The following LAMA5 variants were observed in gnomAD, a reference collection of about 807,000 sequenced individuals.
LAMA5 encodes the protein laminin subunit alpha-5.
LAMA5 carries 260 observed loss-of-function variants against 433.4 expected under a neutral mutation model. The ratio of observed to expected loss-of-function variants is 0.60; its 90% CI spans 0.54 to 0.66. LAMA5 has a LOEUF of 0.66. Among genes scored for constraint, LAMA5 ranks in the 30% least tolerant of loss-of-function variants. LAMA5 has a pLI of 0.00. For missense variants in LAMA5, 5,378 were observed against 5,258.5 expected (o/e 1.02, Z -0.70); for synonymous variants, 2,620 against 2,226.6 (o/e 1.18, Z -4.97).
intron 63 of LAMA5, 37 bp from the exon 64 acceptor site, chr20:62,313,497 A>G (rs538877927): frequency 1.3e-6 from 2 of 1,569,624 alleles, no homozygotes; most frequent in South Asian, 2.4e-5. Context: ...ACCTGGCCTG[A>G]GGCGCCTCCC....
chr20:62,332,210 C>T (rs545347748), intron 28 of LAMA5, among the ~76,000 whole-genome samples, 162 bp downstream of exon 28: 4 of 152,298 alleles, frequency 2.6e-5, no homozygotes, highest in Admixed American at 6.5e-5. Context: ...ATCCACAAAA[C>T]GCTTGCAGGA....
rs143316001 is a variant in LAMA5, at chr20:62,332,926, T to TGCAGGAGGCAGGAGGCAGGAGGCAGGAG, written c.3282+163_3282+164insCTCCTGCCTCCTGCCTCCTGCCTCCTGC. 0.066 allele frequency among the ~76,000 whole-genome samples: 9,943 copies of TGCAGGAGGCAGGAGGCAGGAGGCAGGAG among 150,762 alleles called. 375 individuals carry two copies. The highest frequency in any genetic ancestry group is 0.084 in the East Asian group (422 of 5,040). On this transcript the variant is annotated intron_variant, in intron 26 of 79. Transcript: ENST00000252999. ...TACAGACAGGCACTGAGGTCACACA[T>TGCAGGAGGCAGGAGGCAGGAGGCAGGAG]GCAGGAGGCAGGAGGCAGGAGGCAG...
chr20:62,327,554 C>A lies in LAMA5; in HGVS notation c.4913G>T (p.Arg1638Leu). ...CFCFGATERC[R>L]SSSYTRQEFV... The stretch of plus-strand genomic sequence containing the variant: ...CTCCTGGCGGGTGTAGGACGAGCTC[C>A]GGCAGCGCTCCGTGGCCCCAAAGCA... The change falls in exon 37 of 80, where the codon CGG (arginine) becomes CTG (leucine). Residue 1638 changes from arginine (R) to leucine (L), a missense_variant. Arg to Leu is a moderately radical substitution (Grantham distance 102). Coordinates refer to ENST00000252999, the MANE Select transcript of LAMA5 (RefSeq NM_005560.6). The A allele has an allele frequency of 1.2e-6, 2 of 1,612,862 alleles. No individual in the cohort carries two copies. The highest frequency in any genetic ancestry group is 1.7e-6 in the Non-Finnish European group (2 of 1,180,010).
chr20:62,320,644 G>A lies in LAMA5; in HGVS notation c.6674C>T (p.Pro2225Leu). 1.2e-6 allele frequency: 2 copies of A among 1,606,776 alleles called. No individual in the cohort carries two copies. Among genetic ancestry groups the A allele is most frequent in the Non-Finnish European group, 1.7e-6 (2 of 1,177,922 alleles). ...LQSQLRSPLG[P>L]RHETAQQLEV... ...CAGCTGCTGTGCCGTCTCATGGCGGGGGCCCAGGGGGCTCCGGAGCTGGCT... is the reference window on the plus strand; with the variant it reads ...CAGCTGCTGTGCCGTCTCATGGCGGAGGCCCAGGGGGCTCCGGAGCTGGCT... Residue 2225 changes from proline to leucine, a missense_variant, in exon 50 of 80, where the codon CCC becomes CTC. Pro to Leu is a moderately conservative substitution (Grantham distance 98). Transcript: ENST00000252999.
At position 62,315,021 on chromosome 20, in the gene LAMA5, G is replaced by A; in HGVS notation, c.8047+7C>T. The stretch of plus-strand genomic sequence containing the variant: ...CATCAGGGGCACCGCGAGGGCCATG[G>A]GCGCACCTGAGTGGCCTGCGTCAAG... On this transcript the variant is annotated splice_region_variant and intron_variant, in intron 59 of 79. Transcript: ENST00000252999. The A allele has an allele frequency of 6.3e-7, 1 of 1,586,832 alleles. No homozygotes were observed. The highest frequency in any genetic ancestry group is 8.5e-7 in the Non-Finnish European group (1 of 1,172,178).
At chr20:62,354,389 C>T (rs901229769) in intron 2 of LAMA5, among the ~76,000 whole-genome samples, 3 of 149,570 alleles carry the variant, frequency 2.0e-5, no homozygotes, top group Admixed American at 1.3e-4. Flanking sequence ...CTCAGGACTC[C>T]AGGCCTGAGC....
Position 62,359,362 on chromosome 20 carries a change from T to C in LAMA5, c.450+3038A>G, listed in dbSNP as rs1015847240. ...TGGGCCCGCTGGGCTAGCGTGCTGG[T>C]GTAGTGGGGCAAGGGCCTGGACCCT... On this transcript the variant is annotated intron_variant, in intron 2 of 79. Coordinates refer to ENST00000252999, the MANE Select transcript of LAMA5 (RefSeq NM_005560.6). The surrounding 1 kb of genome is among the most constrained non-coding windows in gnomAD (Gnocchi z 4.3). 2.0e-5 allele frequency among the ~76,000 whole-genome samples: 3 copies of C among 151,840 alleles called. No homozygotes were observed. Among genetic ancestry groups the C allele is most frequent in the African/African-American group, 7.3e-5 (3 of 41,304 alleles).
chr20:62,310,823 C>G lies in LAMA5; in HGVS notation c.10288G>C (p.Val3430Leu), dbSNP rs751806649. 20 of 1,560,706 alleles carry G rather than the reference C, an allele frequency of 1.3e-5. No homozygotes were observed. The highest frequency in any genetic ancestry group is 1.6e-5 in the Non-Finnish European group (19 of 1,152,430). The part of the protein sequence containing the change: ...SRPGRWHKVS[V>L]RWEKNRILLV... ...AGGATCCGGTTCTTCTCCCAGCGCA[C>G]GGAGACCTGGGGGCAGGAGATGGGT... Residue 3430 changes from valine (V) to leucine (L), a missense_variant, in exon 75 of 80, where the codon GTG becomes CTG. Coordinates refer to ENST00000252999, the MANE Select transcript of LAMA5 (RefSeq NM_005560.6).
At chr20:62,328,682 C>T (rs532451209) in intron 34 of LAMA5, among the ~76,000 whole-genome samples, 162 bp downstream of exon 34, 15 of 152,336 alleles carry the variant, frequency 9.8e-5, no homozygotes, top group Admixed American at 7.8e-4. Flanking sequence ...TTCTGCATGG[C>T]CCGCAAGCTG....
At chr20:62,341,079 T>TAAATAAAA (rs1320171423) in intron 11 of LAMA5, among the ~76,000 whole-genome samples, 6 of 94,842 alleles carry the variant, frequency 6.3e-5, no homozygotes, top group Non-Finnish European at 1.6e-4. Context: ...AATAAATAAA[T>TAAATAAAA]AAAATTAAAA....
At chr20:62,322,812 C>CCTAGGGGCT in intron 45 of LAMA5, 54 bp from the exon 46 acceptor site, 5 of 1,160,826 alleles carry the variant, frequency 4.3e-6, no homozygotes, top group Non-Finnish European at 4.7e-6. Flanking sequence ...CCCCAGGGAG[C>CCTAGGGGCT]CCCTAGGCAC....
Position 62,334,256 on chromosome 20 carries a change from C to T in LAMA5, c.2669G>A (p.Arg890His), listed in dbSNP as rs748026079. ...EAATPEGHAV[R>H]FGFNPLEFEN... ...GAACTCGAGGGGGTTGAAGCCAAAG[C>T]GCACGGCGTGACCCTCAGGTGTGGC... is the stretch of plus-strand genomic sequence containing the variant. The change falls in exon 22 of 80, where the codon CGC becomes CAC. Residue 890 changes from arginine to histidine, a missense_variant. By Grantham distance (29) the Arg-to-His change is conservative. Transcript: ENST00000252999. The T allele has an allele frequency of 7.4e-6, 12 of 1,612,682 alleles. No homozygotes were observed. Among genetic ancestry groups the T allele is most frequent in the Middle Eastern group, 1.6e-4 (1 of 6,078 alleles).
chr20:62,332,279 C>T lies in LAMA5; in HGVS notation c.3552+93G>A, dbSNP rs1050029525. 3.3e-6 allele frequency: 3 copies of T among 910,160 alleles called. No individual in the cohort carries two copies. In the African/African-American group the frequency reaches 4.9e-5, roughly 15 times the overall value. 56.4% of individuals were successfully genotyped at this position (910,160 alleles called of 1,614,324 possible). A position where few individuals can be genotyped will look rare whatever the true frequency, so the allele number is the denominator to read the frequency against. On this transcript the variant is annotated intron_variant, in intron 28 of 79. Transcript: ENST00000252999. ...GAGCGAGTGTGGCCGCCTTGGGGACCTGGGACCCCAACTGTCCTCTCCCCT... is the reference window on the plus strand; with the variant it reads ...GAGCGAGTGTGGCCGCCTTGGGGACTTGGGACCCCAACTGTCCTCTCCCCT...
intron 11 of LAMA5, among the ~76,000 whole-genome samples, chr20:62,343,828 G>GCT (rs1982964848): frequency 7.0e-6 from 1 of 141,974 alleles, no homozygotes; most frequent in African/African-American, 2.5e-5. Context: ...AGCTTACAGA[G>GCT]TAGTCAAAGT....
intron 5 of LAMA5, 48 bp downstream of exon 5, chr20:62,351,861 G>A (rs764785439): frequency 2.7e-5 from 43 of 1,577,084 alleles, no homozygotes; most frequent in Non-Finnish European, 3.4e-5. Flanking sequence ...TGAGTCCCGG[G>A]TCCACCCGGC....
chr20:62,346,267 T>G, intron 9 of LAMA5, 52 bp from the exon 10 acceptor site: 1 of 1,576,776 alleles, frequency 6.3e-7, no homozygotes, highest in Non-Finnish European at 8.6e-7. Flanking sequence ...ACTCAAGGGG[T>G]GGGCTCCAAG....
At position 62,344,887 on chromosome 20, in the gene LAMA5, C is replaced by T. The variant is rs557123975; in HGVS notation, c.1477+931G>A. ...AATGGACCACAAGACAATGTGTTTA[C>T]AGGATTGTGGTTGGGATGTAATCAC... On this transcript the variant is annotated intron_variant, in intron 11 of 79. Coordinates refer to ENST00000252999, the MANE Select transcript of LAMA5 (RefSeq NM_005560.6). Among the ~76,000 whole-genome samples, 13 of 152,148 alleles carry T rather than the reference C, an allele frequency of 8.5e-5. No individual in the cohort carries two copies. The South Asian group carries it at 2.5e-3, about 29-fold the overall frequency.
At chr20:62,354,575 G>A (rs1359366142) in intron 2 of LAMA5, among the ~76,000 whole-genome samples, 1 of 152,148 alleles carries the variant, frequency 6.6e-6, no homozygotes, top group African/African-American at 2.4e-5. Context: ...AAGGTCTCTG[G>A]TCCCTAAAAA....
Position 62,312,528 on chromosome 20 carries a change from G to T in LAMA5, c.9232C>A (p.Arg3078=), listed in dbSNP as rs369268267. The change falls in exon 68 of 80, where the codon CGA becomes AGA. Residue 3078 remains arginine (R), a synonymous_variant. Coordinates refer to ENST00000252999, the MANE Select transcript of LAMA5 (RefSeq NM_005560.6). ...VPPDQLPPSL[R]RLFPTGGSVR... ...GAGCCTCCGGTGGGGAAGAGCCGTC[G>T]CAGGCTGTGGGGAAGCGGGGATGCG... is the stretch of plus-strand genomic sequence containing the variant. 1.4e-4 allele frequency: 225 copies of T among 1,599,062 alleles called. 1 individual carries two copies. The highest frequency in any genetic ancestry group is 1.7e-4 in the Non-Finnish European group (206 of 1,179,522).
Sources: gnomAD v4.1 joint callset for allele counts (sites outside exome capture counted in the v4.1 genomes callset) on GRCh38, gnomAD v4.1.1 for gene constraint, Gnocchi (gnomAD v3.1) non-coding constraint, MANE v1.5 for transcripts, NCBI Gene and HGNC (gene_info 2026-07-23, HGNC 2026-07-21) for gene names.